Variants in DLGAP2 observed in about 807,000 individuals in gnomAD.
DLGAP2 encodes DLG associated protein 2, also known as disks large-associated protein 2.
Under a neutral mutation model 100.3 loss-of-function variants are expected in DLGAP2, and 26 were observed. The observed-to-expected ratio is 0.26, with a 90% CI of 0.19 to 0.36. The LOEUF (loss-of-function observed/expected upper bound fraction) is 0.36. Ranked by LOEUF, DLGAP2 falls within the 10% of genes least tolerant of loss-of-function variation. The pLI, the probability that DLGAP2 is intolerant of heterozygous loss-of-function variation, is 1.00. For missense variants in DLGAP2, 1,858 were observed against 1,453.2 expected, an observed-to-expected ratio of 1.28 and a Z score of -4.53; for synonymous variants, 886 against 630.1, an observed-to-expected ratio of 1.41 and a Z score of -6.08.
chr8:954,914 A>C lies in DLGAP2; in HGVS notation c.73+46948A>C, dbSNP rs907011933. On this transcript the variant is annotated intron_variant, in intron 2 of 14. Transcript: ENST00000637795. Reference sequence around the variant, plus strand: ...TCTAATATTTGACTAAATTAGAAAAATTTTAATGGTCTTTCCATTTCAAAT... The same window carrying C: ...TCTAATATTTGACTAAATTAGAAAACTTTTAATGGTCTTTCCATTTCAAAT... 3.9e-4 allele frequency among the ~76,000 whole-genome samples: 59 copies of C among 152,284 alleles called. 1 individual carries two copies. The highest frequency in any genetic ancestry group is 4.4e-4 in the Non-Finnish European group (30 of 68,036).
chr8:1,408,367 G>A (rs1048144778), intron 3 of DLGAP2, among the ~76,000 whole-genome samples: 1 of 152,182 alleles, frequency 6.6e-6, no homozygotes, highest in Non-Finnish European at 1.5e-5. Flanking sequence ...CTCATCAGGG[G>A]AGAAATCAGT....
At chr8:1,583,010 G>C (rs542608555) in intron 6 of DLGAP2, among the ~76,000 whole-genome samples, 1 of 152,180 alleles carries the variant, frequency 6.6e-6, no homozygotes, top group Non-Finnish European at 1.5e-5. Context: ...AAAGTGAGAC[G>C]CACTGACCCA....
chr8:1,483,518 C>G (rs367615557), intron 3 of DLGAP2, among the ~76,000 whole-genome samples: 1 of 139,672 alleles, frequency 7.2e-6, no homozygotes, highest in Non-Finnish European at 1.5e-5. Flanking sequence ...CAAGGGAAGG[C>G]TGAACTGCTG....
chr8:1,255,815 TTCTCCTGCCCAGGTGCTGTGTGTGTGTCC>T (rs1799192682), intron 2 of DLGAP2, among the ~76,000 whole-genome samples: 5 of 103,722 alleles, frequency 4.8e-5, no homozygotes, highest in African/African-American at 2.0e-4. Context: ...TGTGTGTGTC[TTCTCCTGCCCAGGTGCTGTGTGTGTGTCC>T]TCTCCTGCCT....
intron 2 of DLGAP2, among the ~76,000 whole-genome samples, chr8:1,166,839 G>C (rs1325178251): frequency 6.6e-6 from 1 of 152,082 alleles, no homozygotes; most frequent in African/African-American, 2.4e-5. Flanking sequence ...TTCTACATAT[G>C]GATAATGATA....
chr8:1,569,885 G>A (rs1802585236), intron 6 of DLGAP2, among the ~76,000 whole-genome samples: 2 of 151,688 alleles, frequency 1.3e-5, no homozygotes, highest in African/African-American at 4.8e-5. Flanking sequence ...CTCTGTGGAG[G>A]GCAGGTAGAT....
At chr8:1,334,760 C>G (rs369779018) in intron 3 of DLGAP2, among the ~76,000 whole-genome samples, 1 of 152,146 alleles carries the variant, frequency 6.6e-6, no homozygotes, top group Non-Finnish European at 1.5e-5. Flanking sequence ...CTCATACCAC[C>G]GAGAAGCCAT....
chr8:1,248,204 T>TG (rs201145350), intron 2 of DLGAP2, among the ~76,000 whole-genome samples: 3 of 62,820 alleles, frequency 4.8e-5, no homozygotes, highest in South Asian at 6.4e-4. Context: ...GAGATCAGTG[T>TG]GGAGTGATGG....
At chr8:1,351,665 CTGTG>C (rs1307754248) in intron 3 of DLGAP2, among the ~76,000 whole-genome samples, 1 of 56,956 alleles carries the variant, frequency 1.8e-5, no homozygotes, top group African/African-American at 5.9e-5. Context: ...CGGGTCCTGA[CTGTG>C]TGTGGAACGG....
chr8:824,978 C>T (rs1347543194), intron 1 of DLGAP2, among the ~76,000 whole-genome samples: 2 of 152,152 alleles, frequency 1.3e-5, no homozygotes, highest in Non-Finnish European at 2.9e-5. Context: ...ACCTCCGTGG[C>T]GGTCTTTGGA....
chr8:1,533,423 G>A (rs1348772499), intron 4 of DLGAP2, among the ~76,000 whole-genome samples: 1 of 151,824 alleles, frequency 6.6e-6, no homozygotes, highest in Admixed American at 6.6e-5. Flanking sequence ...GGAGAATGGT[G>A]TGAACCTGGG....
intron 2 of DLGAP2, among the ~76,000 whole-genome samples, chr8:1,036,000 C>T (rs1434797151): frequency 2.0e-3 from 173 of 87,936 alleles, no homozygotes; most frequent in African/African-American, 7.0e-3. Context: ...TGGGTTCACA[C>T]GCTCATCCCG....
At chr8:1,460,319 A>G (rs746366655) in intron 3 of DLGAP2, among the ~76,000 whole-genome samples, 18 of 152,220 alleles carry the variant, frequency 1.2e-4, no homozygotes, top group Non-Finnish European at 2.5e-4. Flanking sequence ...TTAATTTACT[A>G]TGAAGAAACT....
intron 8 of DLGAP2, among the ~76,000 whole-genome samples, chr8:1,645,347 C>T (rs1585028284): frequency 6.6e-6 from 1 of 152,186 alleles, no homozygotes; most frequent in Non-Finnish European, 1.5e-5. Flanking sequence ...CATTATAAAA[C>T]AGGCATTAAG....
At chr8:1,133,379 TATC>T (rs908654612) in intron 2 of DLGAP2, among the ~76,000 whole-genome samples, 3 of 152,314 alleles carry the variant, frequency 2.0e-5, no homozygotes, top group Admixed American at 2.0e-4. Context: ...ACCAGGAAGT[TATC>T]ATAAAATTAT....
intron 1 of DLGAP2, among the ~76,000 whole-genome samples, chr8:774,792 A>G (rs1477686878): frequency 6.8e-6 from 1 of 147,668 alleles, no homozygotes; most frequent in Non-Finnish European, 1.5e-5. Flanking sequence ...TGATGCCTCC[A>G]GCTTTGTTCT....
chr8:1,356,548 G>T (rs1801856338), intron 3 of DLGAP2, among the ~76,000 whole-genome samples: 1 of 152,110 alleles, frequency 6.6e-6, no homozygotes, highest in Non-Finnish European at 1.5e-5. Flanking sequence ...CTCCCTCGGG[G>T]TCCACACTGT....
Position 968,681 on chromosome 8 carries a change from G to A in DLGAP2, c.73+60715G>A, listed in dbSNP as rs368552469. Among the ~76,000 whole-genome samples, 5 of 152,104 alleles carry A rather than the reference G, an allele frequency of 3.3e-5. No individual in the cohort carries two copies. In the East Asian group the frequency reaches 7.7e-4, roughly 23 times the overall value. ...TTAAGTTTTTGTAACATACAGGGAC[G>A]AAAGAAAGAAAGCCCTTATACATGC... is the stretch of plus-strand genomic sequence containing the variant. On this transcript the variant is annotated intron_variant, in intron 2 of 14. Coordinates refer to ENST00000637795, the MANE Select transcript of DLGAP2 (RefSeq NM_001346810.2).
intron 3 of DLGAP2, among the ~76,000 whole-genome samples, chr8:1,299,503 C>T (rs1800279544): frequency 6.6e-6 from 1 of 152,210 alleles, no homozygotes; most frequent in Non-Finnish European, 1.5e-5. Flanking sequence ...ATGAGGTGAG[C>T]ATAAACGCAT....
Sources: allele counts gnomAD v4.1 joint callset (sites outside exome capture counted in the v4.1 genomes callset), GRCh38; gene constraint gnomAD v4.1.1; transcripts MANE v1.5; gene names NCBI Gene and HGNC (gene_info 2026-07-23, HGNC 2026-07-21).